Variants in SIPA1L1 observed in about 807,000 individuals in gnomAD.
The protein encoded by SIPA1L1 is signal-induced proliferation-associated 1-like protein 1.
A neutral mutation model predicts 162.7 loss-of-function variants in SIPA1L1; 26 were observed. The observed-to-expected ratio is 0.16, with a 90% CI of 0.12 to 0.22. The LOEUF (loss-of-function observed/expected upper bound fraction) is 0.22, where lower values mean the gene tolerates loss of function less well. SIPA1L1 is among the 10% of genes least tolerant of loss of function. The pLI is 1.00. For missense variants in SIPA1L1, 1,874 were observed against 2,241.0 expected (o/e 0.84, Z 3.31); for synonymous variants, 829 against 837.4 (o/e 0.99, Z 0.17).
At chr14:71,507,589 A>G (rs977176684) in intron 2 of SIPA1L1, among the ~76,000 whole-genome samples, 1 of 152,060 alleles carries the variant, frequency 6.6e-6, no homozygotes, top group Non-Finnish European at 1.5e-5. Context: ...GTGCACCATC[A>G]ATTTAACTCA....
chr14:71,620,004 C>G (rs2039254227), intron 6 of SIPA1L1, among the ~76,000 whole-genome samples: 1 of 152,184 alleles, frequency 6.6e-6, no homozygotes, highest in African/African-American at 2.4e-5. Context: ...ACGTCATGTT[C>G]TGTGTTTTGG....
chr14:71,479,810 C>G (rs980406543), intron 2 of SIPA1L1, among the ~76,000 whole-genome samples: 2 of 151,922 alleles, frequency 1.3e-5, no homozygotes, highest in Non-Finnish European at 1.5e-5. Context: ...TACTGCAGCC[C>G]TGACCTCCCA....
At chr14:71,708,029 G>GTTTTTTTTTTTTTTTTTTTTTTTT (rs58827391) in intron 16 of SIPA1L1, among the ~76,000 whole-genome samples, 3 of 82,088 alleles carry the variant, frequency 3.7e-5, no homozygotes, top group Non-Finnish European at 6.4e-5. Context: ...TTTTTTTTTT[G>GTTTTTTTTTTTTTTTTTTTTTTTT]TTTTTTTTTT....
chr14:71,544,562 C>T (rs1379801785), intron 4 of SIPA1L1, among the ~76,000 whole-genome samples: 1 of 151,794 alleles, frequency 6.6e-6, no homozygotes, highest in East Asian at 1.9e-4. Context: ...AGATATTTTC[C>T]TATGTTTACT....
chr14:71,388,130 G>A (rs534059634), intron 2 of SIPA1L1, among the ~76,000 whole-genome samples: 1 of 152,330 alleles, frequency 6.6e-6, no homozygotes. Context: ...CATTTATTGA[G>A]AAGGCCTAAA....
chr14:71,433,651 GT>G (rs879789463), intron 2 of SIPA1L1, among the ~76,000 whole-genome samples: 267 of 150,012 alleles, frequency 1.8e-3, no homozygotes, highest in Non-Finnish European at 2.5e-3. Flanking sequence ...CTGTCCATGA[GT>G]TTTTTTTTTC....
chr14:71,561,181 T>C (rs893120426), intron 4 of SIPA1L1, among the ~76,000 whole-genome samples: 1 of 152,192 alleles, frequency 6.6e-6, no homozygotes, highest in African/African-American at 2.4e-5. Context: ...ATATTCCACT[T>C]TTTAGGCTTA....
At chr14:71,645,397 A>G (rs1024430631) in intron 7 of SIPA1L1, among the ~76,000 whole-genome samples, 1 of 152,132 alleles carries the variant, frequency 6.6e-6, no homozygotes, top group Non-Finnish European at 1.5e-5. Flanking sequence ...TTGAGGAGAA[A>G]TTACTCTGCC....
chr14:71,533,467 T>G (rs1382219179), intron 4 of SIPA1L1, among the ~76,000 whole-genome samples: 1 of 152,192 alleles, frequency 6.6e-6, no homozygotes, highest in Non-Finnish European at 1.5e-5. Context: ...ATTTTCAACT[T>G]GTAATGTGAG....
chr14:71,419,384 T>G (rs1286306228), intron 2 of SIPA1L1, among the ~76,000 whole-genome samples: 1 of 151,682 alleles, frequency 6.6e-6, no homozygotes, highest in East Asian at 1.9e-4. Context: ...TGTAGGGACT[T>G]TCAGGGCTGT....
chr14:71,431,734 C>G (rs1248227190), intron 2 of SIPA1L1, among the ~76,000 whole-genome samples: 2 of 151,974 alleles, frequency 1.3e-5, no homozygotes, highest in East Asian at 3.9e-4. Flanking sequence ...ACATGAAAGC[C>G]AAGTTGGACT....
chr14:71,438,379 C>G (rs924432069), intron 2 of SIPA1L1, among the ~76,000 whole-genome samples: 2 of 152,182 alleles, frequency 1.3e-5, no homozygotes, highest in Admixed American at 6.5e-5. Context: ...CTGTGGCCTT[C>G]CTGCTCTTGT....
At chr14:71,424,814 T>C (rs1361650637) in intron 2 of SIPA1L1, among the ~76,000 whole-genome samples, 1 of 152,076 alleles carries the variant, frequency 6.6e-6, no homozygotes, top group East Asian at 1.9e-4. Context: ...CCTCTTCAAT[T>C]ATATGGAAAT....
chr14:71,380,338 C>A (rs1221643374), intron 2 of SIPA1L1, among the ~76,000 whole-genome samples: 2 of 152,166 alleles, frequency 1.3e-5, no homozygotes, highest in African/African-American at 2.4e-5. Flanking sequence ...AAATGACGCT[C>A]ATCTCATAAC....
chr14:71,488,233 A>G (rs2048933775), intron 2 of SIPA1L1, among the ~76,000 whole-genome samples: 1 of 152,176 alleles, frequency 6.6e-6, no homozygotes, highest in African/African-American at 2.4e-5. Context: ...CACATCTGCT[A>G]TATTCACTTT....
chr14:71,645,556 C>T (rs1169474447), intron 7 of SIPA1L1, among the ~76,000 whole-genome samples: 1 of 152,200 alleles, frequency 6.6e-6, no homozygotes, highest in African/African-American at 2.4e-5. Context: ...TATTAAAAAG[C>T]ATATACTCAA....
intron 2 of SIPA1L1, among the ~76,000 whole-genome samples, chr14:71,366,044 A>G (rs1379835163): frequency 2.0e-5 from 3 of 151,986 alleles, no homozygotes; most frequent in Non-Finnish European, 4.4e-5. Flanking sequence ...TAAGTCTTAA[A>G]GCTGTGGTTC....
At chr14:71,573,812 T>G (rs1325290850) in intron 4 of SIPA1L1, 3 of 424,440 alleles carry the variant, frequency 7.1e-6, no homozygotes, top group Non-Finnish European at 1.4e-5. Context: ...ATTCCAGTAC[T>G]TTTTCCTAAT....
intron 5 of SIPA1L1, among the ~76,000 whole-genome samples, chr14:71,612,626 A>G (rs1287508008): frequency 6.6e-6 from 1 of 152,204 alleles, no homozygotes; most frequent in Admixed American, 6.5e-5. Context: ...ATACCATGAT[A>G]ACCAGTGCAA....
Sources: gnomAD v4.1 joint callset for allele counts (sites outside exome capture counted in the v4.1 genomes callset) on GRCh38, gnomAD v4.1.1 for gene constraint, MANE v1.5 for transcripts, NCBI Gene and HGNC (gene_info 2026-07-23, HGNC 2026-07-21) for gene names.